The following LAMA2 variants were observed in gnomAD, a reference collection of about 807,000 sequenced individuals.
LAMA2 encodes laminin subunit alpha-2.
In LAMA2, 269 loss-of-function variants were observed where a neutral mutation model predicts 364.8. That is an observed-to-expected ratio of 0.74 (90% CI 0.67 to 0.82). LAMA2 has a LOEUF of 0.82. Ranked by LOEUF, LAMA2 falls within the 40% of genes least tolerant of loss-of-function variation. The pLI is 0.00. For missense variants in LAMA2, 3,807 were observed against 3,873.2 expected (o/e 0.98, Z 0.45); for synonymous variants, 1,379 against 1,370.6 (o/e 1.01, Z -0.14).
intron 8 of LAMA2, chr6:129,158,013 A>C (rs572152175): frequency 5.8e-4 from 931 of 1,613,430 alleles, no homozygotes; most frequent in Non-Finnish European, 7.7e-4. Flanking sequence ...ATTTTTCTTG[A>C]TGAGGATGTT....
chr6:129,492,868 T>G (rs1376163776), intron 58 of LAMA2, among the ~76,000 whole-genome samples: 2 of 152,170 alleles, frequency 1.3e-5, no homozygotes, highest in Admixed American at 6.5e-5. Flanking sequence ...TAAAACTGTT[T>G]CTAGGCCAGG....
intron 1 of LAMA2, among the ~76,000 whole-genome samples, chr6:128,977,920 T>C (rs1440962263): frequency 6.6e-6 from 1 of 152,206 alleles, no homozygotes; most frequent in Non-Finnish European, 1.5e-5. Context: ...AATATTTTAC[T>C]TTTAACTGAC....
intron 32 of LAMA2, among the ~76,000 whole-genome samples, chr6:129,356,091 C>T (rs921503225): frequency 1.3e-5 from 2 of 152,108 alleles, no homozygotes; most frequent in African/African-American, 4.8e-5. Context: ...ATACTTATAG[C>T]TTCCAGGGAC....
intron 4 of LAMA2, among the ~76,000 whole-genome samples, chr6:129,108,773 C>T: frequency 6.6e-6 from 1 of 152,024 alleles, no homozygotes; most frequent in Non-Finnish European, 1.5e-5. Flanking sequence ...TTGTTTTTTG[C>T]TATCCAAGTT....
intron 24 of LAMA2, 31 bp downstream of exon 24, chr6:129,314,829 G>T: frequency 6.2e-7 from 1 of 1,612,768 alleles, no homozygotes; most frequent in Non-Finnish European, 8.5e-7. Flanking sequence ...CCATGTAATG[G>T]TATAATGTTA....
rs1022071112 is a variant in LAMA2, at chr6:129,427,996, T to C, written c.5968+142T>C. 2.3e-4 allele frequency: 156 copies of C among 676,824 alleles called. 1 individual carries two copies. Among genetic ancestry groups the C allele is most frequent in the Middle Eastern group, 1.5e-3 (4 of 2,632 alleles). The allele number at this position is 676,824 out of a possible 1,614,324, so 41.9% of individuals were successfully genotyped here. A position where few individuals can be genotyped will look rare whatever the true frequency, so the allele number is the denominator to read the frequency against. On this transcript the variant is annotated intron_variant, in intron 41 of 64. Coordinates refer to ENST00000421865, the MANE Select transcript of LAMA2 (RefSeq NM_000426.4). ...TAATCTATTTAATGCAAGTAAACTT[T>C]CTCACTAGTTTTACAAAATGTTGTC...
At chr6:129,083,408 T>C (rs1054774417) in intron 3 of LAMA2, among the ~76,000 whole-genome samples, 1 of 152,182 alleles carries the variant, frequency 6.6e-6, no homozygotes, top group South Asian at 2.1e-4. Context: ...GCCAGTATCA[T>C]GAGAGCCCAC....
At chr6:129,075,973 C>A (rs1249356634) in intron 3 of LAMA2, among the ~76,000 whole-genome samples, 1 of 151,992 alleles carries the variant, frequency 6.6e-6, no homozygotes, top group Non-Finnish European at 1.5e-5. Flanking sequence ...GTAGTCCCAG[C>A]TACTCAGGAG....
intron 30 of LAMA2, among the ~76,000 whole-genome samples, chr6:129,346,184 G>C (rs934562973): frequency 6.6e-6 from 1 of 152,132 alleles, no homozygotes; most frequent in African/African-American, 2.4e-5. Flanking sequence ...GGAAAGATCA[G>C]ACTCTTTGAG....
At chr6:129,073,238 G>A (rs949806915) in intron 3 of LAMA2, among the ~76,000 whole-genome samples, 1 of 152,046 alleles carries the variant, frequency 6.6e-6, no homozygotes, top group South Asian at 2.1e-4. Context: ...TAAGCGGAAA[G>A]TCTTATTGCT....
At chr6:129,443,977 T>A (rs887340634) in intron 44 of LAMA2, among the ~76,000 whole-genome samples, 6 of 152,150 alleles carry the variant, frequency 3.9e-5, no homozygotes, top group African/African-American at 7.2e-5. Flanking sequence ...ATTAATGAAT[T>A]TGAAGACAGA....
chr6:129,473,449 TA>T, intron 52 of LAMA2, 97 bp downstream of exon 52: 1 of 1,220,394 alleles, frequency 8.2e-7, no homozygotes, highest in South Asian at 1.2e-5. Flanking sequence ...AAGAATGTCA[TA>T]TAACCCTTGG....
intron 1 of LAMA2, among the ~76,000 whole-genome samples, chr6:128,933,380 G>A (rs556353598): frequency 6.6e-6 from 1 of 152,126 alleles, no homozygotes; most frequent in African/African-American, 2.4e-5. Context: ...ATGAACATGT[G>A]GATGCAGATA....
At chr6:128,983,125 C>T (rs1783001122) in intron 1 of LAMA2, among the ~76,000 whole-genome samples, 1 of 152,026 alleles carries the variant, frequency 6.6e-6, no homozygotes, top group Non-Finnish European at 1.5e-5. Context: ...TGGGTACATA[C>T]CCAGTAATGG....
At chr6:129,405,984 C>T (rs909341416) in intron 40 of LAMA2, among the ~76,000 whole-genome samples, 10 of 151,818 alleles carry the variant, frequency 6.6e-5, no homozygotes, top group Non-Finnish European at 5.9e-5. Flanking sequence ...AACAAAGAAA[C>T]AATTTATACA....
intron 55 of LAMA2, among the ~76,000 whole-genome samples, chr6:129,482,632 A>G (rs1784401472): frequency 3.9e-5 from 6 of 152,214 alleles, no homozygotes; most frequent in Admixed American, 3.9e-4. Flanking sequence ...GATCAATCAT[A>G]TTATGTAACA....
chr6:129,312,931 A>T lies in LAMA2; in HGVS notation c.3245A>T (p.His1082Leu). Residue 1082 changes from histidine to leucine, a missense_variant, in exon 23 of 65, where the codon CAT becomes CTT. His to Leu is a moderately conservative substitution (Grantham distance 99, BLOSUM62 -3). This residue lies in a region of LAMA2 where 3,333 missense variants were observed against 3,345.7 expected (regional missense o/e 1.00). Coordinates refer to ENST00000421865, the MANE Select transcript of LAMA2 (RefSeq NM_000426.4). ...GTAAATACAGGCCAATGCAACTGTC[A>T]TCCAAAATTCTCTGGTGCAAAATGT... ...CNVNTGQCNCHPKFSGAKCTE... is the reference protein window; with the variant it reads ...CNVNTGQCNCLPKFSGAKCTE... The T allele has an allele frequency of 1.9e-6, 3 of 1,614,220 alleles. No homozygotes were observed. The highest frequency in any genetic ancestry group is 2.5e-6 in the Non-Finnish European group (3 of 1,180,036).
intron 11 of LAMA2, 84 bp downstream of exon 11, chr6:129,190,429 T>A: frequency 1.5e-6 from 2 of 1,348,584 alleles, no homozygotes; most frequent in South Asian, 2.5e-5. Flanking sequence ...ATGAACAGTT[T>A]CTGATAGTGA....
At chr6:128,912,272 C>A (rs1778018103) in intron 1 of LAMA2, among the ~76,000 whole-genome samples, 1 of 152,132 alleles carries the variant, frequency 6.6e-6, no homozygotes, top group Non-Finnish European at 1.5e-5. Flanking sequence ...CTTCTATCAA[C>A]ATATGTGTTT....
Sources: allele counts gnomAD v4.1 joint callset (sites outside exome capture counted in the v4.1 genomes callset), GRCh38; gene constraint gnomAD v4.1.1; regional missense constraint gnomAD v4.1.1; transcripts MANE v1.5; gene names NCBI Gene and HGNC (gene_info 2026-07-23, HGNC 2026-07-21).